The following TTPAL variants were observed in gnomAD, a reference collection of about 807,000 sequenced individuals.
The protein encoded by TTPAL is alpha-tocopherol transfer protein-like.
Under a neutral mutation model 28.7 loss-of-function variants are expected in TTPAL, and 21 were observed. The observed-to-expected ratio is 0.73, with a 90% CI of 0.52 to 1.06. The LOEUF (loss-of-function observed/expected upper bound fraction) is 1.06. TTPAL is among the 50% of genes least tolerant of loss of function. TTPAL has a pLI of 0.00. For missense variants in TTPAL, 345 were observed against 425.5 expected, an observed-to-expected ratio of 0.81 and a Z score of 1.67; for synonymous variants, 169 against 171.9, an observed-to-expected ratio of 0.98 and a Z score of 0.13.
In TTPAL at chr20:44,480,329, C is replaced by G. The variant is rs749980724; in HGVS notation, c.330C>G (p.Pro110=). ...ACCACAGCTGTAGAAGAAGCTGGCC[C>G]GAAGTCTTCAATAACTTGAAGCCAT... ...VNYHSCRRSW[P]EVFNNLKPSA... is the part of the protein sequence containing the mutation. The change falls in exon 2 of 5, where the codon CCC becomes CCG. Residue 110 remains proline, a synonymous_variant. Coordinates refer to ENST00000262605, the MANE Select transcript of TTPAL (RefSeq NM_001039199.3). The surrounding 1 kb of genome is among the most constrained non-coding windows in gnomAD (Gnocchi z 4.1). 3 of 1,614,132 alleles carry G rather than the reference C, an allele frequency of 1.9e-6. No homozygotes were observed. The highest frequency in any genetic ancestry group is 8.5e-7 in the Non-Finnish European group (1 of 1,180,032).
intron 2 of TTPAL, among the ~76,000 whole-genome samples, chr20:44,482,076 A>G (rs1470918751): frequency 6.6e-6 from 1 of 152,218 alleles, no homozygotes; most frequent in East Asian, 1.9e-4. Flanking sequence ...CGTTTTAGGA[A>G]GAGGCATACA....
Position 44,489,781 on chromosome 20 carries a change from C to G in TTPAL, c.*240C>G. On this transcript the variant is annotated 3_prime_UTR_variant, in exon 5 of 5. Transcript: ENST00000262605. ...CTTAAACATTTGGAATCCCAGTCTGCAACTATTAATCTGGAGGCTATATCT... is the reference window on the plus strand; with the variant it reads ...CTTAAACATTTGGAATCCCAGTCTGGAACTATTAATCTGGAGGCTATATCT... 1.9e-6 allele frequency: 1 copy of G among 513,750 alleles called. No individual in the cohort carries two copies. The highest frequency in any genetic ancestry group is 3.4e-6 in the Non-Finnish European group (1 of 292,028). The allele number at this position is 513,750 out of a possible 1,614,324, so 31.8% of individuals were successfully genotyped here. A position where few individuals can be genotyped will look rare whatever the true frequency, so the allele number is the denominator to read the frequency against.
At chr20:44,483,374 C>T (rs1177989013) in intron 2 of TTPAL, among the ~76,000 whole-genome samples, 2 of 152,146 alleles carry the variant, frequency 1.3e-5, no homozygotes, top group Non-Finnish European at 2.9e-5. Flanking sequence ...TCAGACTCAC[C>T]GCCTCAAAAC....
intron 4 of TTPAL, among the ~76,000 whole-genome samples, chr20:44,487,050 GTGGA>G (rs1052737441): frequency 2.6e-5 from 4 of 152,164 alleles, no homozygotes; most frequent in African/African-American, 9.7e-5. Context: ...GGAGGCCGAG[GTGGA>G]TGGATCACTT....
chr20:44,481,470 T>C (rs139465422), intron 2 of TTPAL, among the ~76,000 whole-genome samples: 356 of 152,328 alleles, frequency 2.3e-3, no homozygotes, highest in African/African-American at 8.4e-3. Flanking sequence ...TTCTTAGGCC[T>C]GTTCTCTTCC....
Position 44,487,663 on chromosome 20 carries a change from C to T in TTPAL, c.750+957C>T, listed in dbSNP as rs550969563. Among the ~76,000 whole-genome samples the T allele has an allele frequency of 3.9e-5, 6 of 152,306 alleles. 1 individual carries two copies. The South Asian group carries it at 1.2e-3, about 32-fold the overall frequency. Reference sequence around the variant, plus strand: ...CCTTTCTGACCCAGAAGAGCCAATTCCCTCTTCAGCCTTTCCCAGTCCCAC... The same window carrying T: ...CCTTTCTGACCCAGAAGAGCCAATTTCCTCTTCAGCCTTTCCCAGTCCCAC... On this transcript the variant is annotated intron_variant, in intron 4 of 4. Coordinates refer to ENST00000262605, the MANE Select transcript of TTPAL (RefSeq NM_001039199.3).
In TTPAL at chr20:44,479,700, G is replaced by T. The variant is rs373714806; in HGVS notation, c.-15-285G>T. Reference sequence around the variant, plus strand: ...TTTTAATTCACATTTATTTAATGATGAATAAGGTCGAGCACCTATTAATAC... The same window carrying T: ...TTTTAATTCACATTTATTTAATGATTAATAAGGTCGAGCACCTATTAATAC... On this transcript the variant is annotated intron_variant, in intron 1 of 4. Transcript: ENST00000262605. Among the ~76,000 whole-genome samples, 11 of 152,246 alleles carry T rather than the reference G, an allele frequency of 7.2e-5. 1 individual carries two copies. Among genetic ancestry groups the T allele is most frequent in the East Asian group, 1.9e-4 (1 of 5,176 alleles).
At chr20:44,478,338 T>C (rs991553370) in intron 1 of TTPAL, among the ~76,000 whole-genome samples, 5 of 152,208 alleles carry the variant, frequency 3.3e-5, no homozygotes, top group African/African-American at 1.2e-4. Context: ...CAACAAAGGT[T>C]TGGCCAGGCC....
chr20:44,479,040 C>T (rs922593591), intron 1 of TTPAL, among the ~76,000 whole-genome samples: 4 of 152,204 alleles, frequency 2.6e-5, no homozygotes, highest in Admixed American at 6.5e-5. Context: ...TCGCCTGCCT[C>T]GGCCTCCCAA....
At chr20:44,482,192 T>C (rs1442931789) in intron 2 of TTPAL, among the ~76,000 whole-genome samples, 9 of 152,182 alleles carry the variant, frequency 5.9e-5, no homozygotes, top group Non-Finnish European at 1.3e-4. Context: ...GCAGGGTTAA[T>C]TGGCAGCAAC....
chr20:44,490,494 AC>A lies in TTPAL; in HGVS notation c.*954del, dbSNP rs990179275. ...GTTAGATTTTCTGCCTAGAAAGATAACTATCTAGATACAAGTGGTTGGATCC... is the reference window on the plus strand; with the variant it reads ...GTTAGATTTTCTGCCTAGAAAGATAATATCTAGATACAAGTGGTTGGATCC... On this transcript the variant is annotated 3_prime_UTR_variant, in exon 5 of 5. Coordinates refer to ENST00000262605, the MANE Select transcript of TTPAL (RefSeq NM_001039199.3). 6.6e-6 allele frequency: 1 copy of A among 152,350 alleles called. No homozygotes were observed. Among genetic ancestry groups the A allele is most frequent in the Non-Finnish European group, 1.5e-5 (1 of 68,038 alleles). 9.4% of individuals were successfully genotyped at this position (152,350 alleles called of 1,614,324 possible). A position where few individuals can be genotyped will look rare whatever the true frequency, so the allele number is the denominator to read the frequency against.
At chr20:44,479,940 G>GAA in intron 1 of TTPAL, 45 bp from the exon 2 acceptor site, 2 of 1,527,876 alleles carry the variant, frequency 1.3e-6, no homozygotes, top group Non-Finnish European at 1.8e-6. Context: ...CCTAGGATTT[G>GAA]AAATAAGCAC....
intron 2 of TTPAL, among the ~76,000 whole-genome samples, chr20:44,483,801 C>A (rs1289741164): frequency 6.6e-6 from 1 of 151,834 alleles, no homozygotes; most frequent in African/African-American, 2.4e-5. Context: ...AGAGTGCATA[C>A]TTTTTTTTAT....
chr20:44,483,078 G>A (rs1188497250), intron 2 of TTPAL, among the ~76,000 whole-genome samples: 1 of 152,112 alleles, frequency 6.6e-6, no homozygotes, highest in Admixed American at 6.5e-5. Context: ...GGCTGGTCTT[G>A]AACTCCTGAC....
chr20:44,480,084 C>G lies in TTPAL; in HGVS notation c.85C>G (p.Pro29Ala), dbSNP rs2064087734. 1 of 1,614,104 alleles carries G rather than the reference C, an allele frequency of 6.2e-7. No individual in the cohort carries two copies. The highest frequency in any genetic ancestry group is 8.5e-7 in the Non-Finnish European group (1 of 1,180,050). ...TGAGCTGCCACCACCACCTGAGCCT[C>G]CGGGCTATGTGTGCTCACTGACAGA... is the stretch of plus-strand genomic sequence containing the variant. ...ENELPPPPEP[P>A]GYVCSLTEDL... Residue 29 changes from proline (P) to alanine (A), a missense_variant, in exon 2 of 5, where the codon CCG becomes GCG. Transcript: ENST00000262605. This position sits in a 1 kb window ranked among gnomAD's most constrained non-coding sequence, Gnocchi z 4.1.
In TTPAL at chr20:44,480,464, TG is replaced by T. The variant is rs752198398; in HGVS notation, c.445+24del. 486 of 1,564,828 alleles carry T rather than the reference TG, an allele frequency of 3.1e-4. 1 individual carries two copies. Among genetic ancestry groups the T allele is most frequent in the Non-Finnish European group, 3.9e-4 (447 of 1,154,534 alleles). ...GCCCAGGTATCTCCCTAGACTGTTG[TG>T]GGGTGTGTGTGTCCAGTCCTTCTGC... On this transcript the variant is annotated intron_variant, in intron 2 of 4. Transcript: ENST00000262605. The surrounding 1 kb of genome is among the most constrained non-coding windows in gnomAD (Gnocchi z 4.1).
In TTPAL at chr20:44,494,289, C is replaced by CTG. The variant is rs2064234572; in HGVS notation, c.*4748_*4749insTG. On this transcript the variant is annotated 3_prime_UTR_variant, in exon 5 of 5. Transcript: ENST00000262605. ...TTGTAGCTATGCCTCGGCTTCTTGG[C>CTG]ATATCAGGTAGGAACCTGTTACAAG... 6.5e-6 allele frequency: 1 copy of CTG among 152,706 alleles called. No homozygotes were observed. Among genetic ancestry groups the CTG allele is most frequent in the African/African-American group, 2.4e-5 (1 of 41,416 alleles). The allele number at this position is 152,706 out of a possible 1,614,324, so 9.5% of individuals were successfully genotyped here.
chr20:44,486,536 G>A (rs2122894309), intron 3 of TTPAL, 60 bp from the exon 4 acceptor site: 1 of 1,003,068 alleles, frequency 1.0e-6, no homozygotes. Flanking sequence ...TTTAACTTGG[G>A]GGAGGAAGGT....
At chr20:44,479,797 G>A (rs1393046219) in intron 1 of TTPAL, among the ~76,000 whole-genome samples, 188 bp from the exon 2 acceptor site, 1 of 152,142 alleles carries the variant, frequency 6.6e-6, no homozygotes, top group African/African-American at 2.4e-5. Context: ...CCTCCCTGGG[G>A]ACTAACAGCA....
Sources: allele counts gnomAD v4.1 joint callset (sites outside exome capture counted in the v4.1 genomes callset), GRCh38; gene constraint gnomAD v4.1.1; non-coding constraint Gnocchi (gnomAD v3.1); transcripts MANE v1.5; gene names NCBI Gene and HGNC (gene_info 2026-07-23, HGNC 2026-07-21).